The following CA1 variants were observed in gnomAD, a reference collection of about 807,000 sequenced individuals.
CA1 encodes carbonic anhydrase 1.
CA1 carries 27 observed loss-of-function variants against 28.8 expected under a neutral mutation model. The observed-to-expected ratio is 0.94, with a 90% CI of 0.69 to 1.29. The LOEUF (loss-of-function observed/expected upper bound fraction) is 1.29, where lower values mean the gene tolerates loss of function less well. CA1 is among the 50% of genes most tolerant of loss of function. The pLI is 0.00. For missense variants in CA1, 335 were observed against 310.5 expected (o/e 1.08, Z -0.59); for synonymous variants, 121 against 108.8 (o/e 1.11, Z -0.70).
chr8:85,373,378 T>C (rs1810301977), intron 1 of CA1: 1 of 152,190 alleles, frequency 6.6e-6, no homozygotes. Flanking sequence ...AGAAGGTCAG[T>C]AGCAGCCTAT....
chr8:85,346,319 G>A (rs902731918), intron 1 of CA1, among the ~76,000 whole-genome samples: 31 of 151,980 alleles, frequency 2.0e-4, no homozygotes, highest in Admixed American at 1.2e-3. Context: ...TACTATCCCC[G>A]TATTTATTTT....
At position 85,327,639 on chromosome 8, in the gene CA1, A is replaced by T. The variant is rs1448200549; in HGVS notation, c.*921T>A. Reference sequence around the variant, plus strand: ...GCACTCCACCCTGACTGGCAGAGTGAGACCTTGTCTCAAAAAACAAACAAA... The same window carrying T: ...GCACTCCACCCTGACTGGCAGAGTGTGACCTTGTCTCAAAAAACAAACAAA... On this transcript the variant is annotated 3_prime_UTR_variant, in exon 8 of 8. Coordinates refer to ENST00000523022, the MANE Select transcript of CA1 (RefSeq NM_001128831.4). The T allele has an allele frequency of 6.6e-6, 1 of 152,224 alleles. No homozygotes were observed. The highest frequency in any genetic ancestry group is 1.5e-5 in the Non-Finnish European group (1 of 68,098). The allele number at this position is 152,224 out of a possible 1,614,324, so 9.4% of individuals were successfully genotyped here.
intron 1 of CA1, among the ~76,000 whole-genome samples, chr8:85,352,666 ATTT>A (rs571013802): frequency 3.2e-5 from 4 of 126,072 alleles, no homozygotes; most frequent in Non-Finnish European, 3.4e-5. Context: ...CCTCAGCTCC[ATTT>A]TTTTTTTTTT....
At chr8:85,351,251 A>G (rs1809399961) in intron 1 of CA1, among the ~76,000 whole-genome samples, 1 of 152,196 alleles carries the variant, frequency 6.6e-6, no homozygotes. Flanking sequence ...ACTTCTGGGT[A>G]TGGCACTCAC....
intron 1 of CA1, among the ~76,000 whole-genome samples, chr8:85,345,445 G>T (rs954249528): frequency 2.6e-5 from 4 of 152,014 alleles, no homozygotes; most frequent in Non-Finnish European, 4.4e-5. Context: ...TAATTTACTT[G>T]CTTAATGTCT....
intron 1 of CA1, among the ~76,000 whole-genome samples, chr8:85,349,181 A>G (rs1194326842): frequency 6.6e-6 from 1 of 152,244 alleles, no homozygotes. Flanking sequence ...AGAATAGCCC[A>G]ATAGAATGAG....
At chr8:85,360,925 C>A (rs553925713) in intron 1 of CA1, among the ~76,000 whole-genome samples, 53 of 152,196 alleles carry the variant, frequency 3.5e-4, no homozygotes, top group Non-Finnish European at 5.6e-4. Flanking sequence ...TCTGCCATCA[C>A]CATTTCTCTC....
chr8:85,329,137 C>T (rs1336468930), intron 7 of CA1, among the ~76,000 whole-genome samples: 1 of 152,158 alleles, frequency 6.6e-6, no homozygotes, highest in Non-Finnish European at 1.5e-5. Flanking sequence ...CAGTTAGCAA[C>T]AGGCTACAAT....
intron 4 of CA1, among the ~76,000 whole-genome samples, chr8:85,335,990 A>T (rs1416262650): frequency 6.6e-6 from 1 of 152,216 alleles, no homozygotes; most frequent in Non-Finnish European, 1.5e-5. Context: ...AGTGCACAAG[A>T]TATATGTACA....
At chr8:85,332,581 A>G in intron 5 of CA1, 29 bp from the exon 6 acceptor site, 1 of 1,548,212 alleles carries the variant, frequency 6.5e-7, no homozygotes, top group Non-Finnish European at 8.9e-7. Flanking sequence ...AAAGTATGAG[A>G]TAAAGATTAT....
intron 3 of CA1, 116 bp downstream of exon 3, chr8:85,338,136 A>C (rs1410155224): frequency 1.0e-6 from 1 of 966,260 alleles, no homozygotes. Context: ...AGATTACAGC[A>C]ATGCTGCACA....
At chr8:85,344,282 T>TA (rs1809079158) in intron 1 of CA1, among the ~76,000 whole-genome samples, 2 of 80,828 alleles carry the variant, frequency 2.5e-5, no homozygotes, top group Admixed American at 1.5e-4. Context: ...TAATTATATA[T>TA]TATATACAGT....
chr8:85,349,010 A>T (rs1372187231), intron 1 of CA1, among the ~76,000 whole-genome samples: 1 of 152,206 alleles, frequency 6.6e-6, no homozygotes, highest in East Asian at 1.9e-4. Context: ...CAAGGGACAT[A>T]ATCTGACCCC....
At chr8:85,364,079 G>T (rs1377731182) in intron 1 of CA1, among the ~76,000 whole-genome samples, 1 of 151,852 alleles carries the variant, frequency 6.6e-6, no homozygotes, top group Non-Finnish European at 1.5e-5. Flanking sequence ...GGGCTCAAGC[G>T]ATCTGCCCAC....
chr8:85,350,525 A>T (rs1037580984), intron 1 of CA1, among the ~76,000 whole-genome samples: 1 of 152,140 alleles, frequency 6.6e-6, no homozygotes, highest in Non-Finnish European at 1.5e-5. Context: ...TTCCTTTAAG[A>T]CTGTCCCGGA....
intron 1 of CA1, among the ~76,000 whole-genome samples, chr8:85,363,433 A>T (rs1809878004): frequency 6.6e-6 from 1 of 152,170 alleles, no homozygotes; most frequent in Non-Finnish European, 1.5e-5. Context: ...TGCTAAAGTG[A>T]GCACCACCTG....
intron 1 of CA1, among the ~76,000 whole-genome samples, chr8:85,364,603 T>C (rs1446771411): frequency 6.6e-6 from 1 of 152,186 alleles, no homozygotes; most frequent in Non-Finnish European, 1.5e-5. Flanking sequence ...ACATCCAAAA[T>C]AAAAACCATC....
Position 85,328,131 on chromosome 8 carries a change from T to C in CA1, c.*429A>G. ...CTCCAGCTGCTCTTAGGTTGTTGTATTTGAAGCAAAATACTCTTGCAAGTA... is the reference window on the plus strand; with the variant it reads ...CTCCAGCTGCTCTTAGGTTGTTGTACTTGAAGCAAAATACTCTTGCAAGTA... On this transcript the variant is annotated 3_prime_UTR_variant, in exon 8 of 8. Coordinates refer to ENST00000523022, the MANE Select transcript of CA1 (RefSeq NM_001128831.4). 1 of 158,606 alleles carries C rather than the reference T, an allele frequency of 6.3e-6. No homozygotes were observed. The highest frequency in any genetic ancestry group is 1.4e-5 in the Non-Finnish European group (1 of 72,208). The allele number at this position is 158,606 out of a possible 1,614,324, so 9.8% of individuals were successfully genotyped here. A position where few individuals can be genotyped will look rare whatever the true frequency, so the allele number is the denominator to read the frequency against.
chr8:85,373,728 G>A (rs971687778), intron 1 of CA1, among the ~76,000 whole-genome samples: 3 of 152,114 alleles, frequency 2.0e-5, no homozygotes, highest in Non-Finnish European at 2.9e-5. Context: ...GGGGACTACT[G>A]TATATACAAG....
Sources: allele counts gnomAD v4.1 joint callset (sites outside exome capture counted in the v4.1 genomes callset), GRCh38; gene constraint gnomAD v4.1.1; transcripts MANE v1.5; gene names NCBI Gene and HGNC (gene_info 2026-07-23, HGNC 2026-07-21).